Variants in RBM19 observed in about 807,000 individuals in gnomAD.
The protein encoded by RBM19 is probable RNA-binding protein 19.
A neutral mutation model predicts 116.8 loss-of-function variants in RBM19; 94 were observed. The observed-to-expected ratio is 0.80, with a 90% CI of 0.68 to 0.95. The LOEUF (loss-of-function observed/expected upper bound fraction) is 0.95. Among genes scored for constraint, RBM19 ranks in the 40% least tolerant of loss-of-function variants. RBM19 has a pLI of 0.00. For synonymous variants in RBM19, 475 were observed against 494.1 expected, an observed-to-expected ratio of 0.96 and a Z score of 0.51; for missense variants, 1,161 against 1,220.7, an observed-to-expected ratio of 0.95 and a Z score of 0.73.
intron 15 of RBM19, among the ~76,000 whole-genome samples, chr12:113,938,566 G>A (rs1870281264): frequency 6.6e-6 from 1 of 152,192 alleles, no homozygotes; most frequent in Non-Finnish European, 1.5e-5. Flanking sequence ...GGCACCGCAA[G>A]GGTATGTCTA....
At chr12:113,835,601 C>T (rs938125052) in intron 23 of RBM19, among the ~76,000 whole-genome samples, 10 of 152,304 alleles carry the variant, frequency 6.6e-5, no homozygotes, top group Admixed American at 2.6e-4. Flanking sequence ...CTGCTCCTCG[C>T]GAGGCTGGGA....
intron 19 of RBM19, 73 bp from the exon 20 acceptor site, chr12:113,918,520 A>G: frequency 3.3e-6 from 5 of 1,507,502 alleles, no homozygotes; most frequent in Non-Finnish European, 4.6e-6. Flanking sequence ...CCTTCACCAG[A>G]GCAGAGCCCT....
intron 23 of RBM19, among the ~76,000 whole-genome samples, chr12:113,826,098 G>A (rs1481717390): frequency 5.3e-5 from 8 of 152,150 alleles, no homozygotes; most frequent in African/African-American, 1.9e-4. Flanking sequence ...CCTTTGGTCT[G>A]GAATGCTCTT....
At chr12:113,844,041 A>T (rs1037480512) in intron 23 of RBM19, among the ~76,000 whole-genome samples, 6 of 152,164 alleles carry the variant, frequency 3.9e-5, no homozygotes, top group African/African-American at 1.2e-4. Flanking sequence ...ACCTGAGCCT[A>T]GGGCCCTGCT....
intron 16 of RBM19, 68 bp downstream of exon 16, chr12:113,936,939 T>C: frequency 6.4e-7 from 1 of 1,560,128 alleles, no homozygotes; most frequent in Non-Finnish European, 8.7e-7. Context: ...AACTTCACGC[T>C]GCCCCCAACC....
At chr12:113,831,508 C>A (rs1467340247) in intron 23 of RBM19, among the ~76,000 whole-genome samples, 2 of 152,164 alleles carry the variant, frequency 1.3e-5, no homozygotes, top group African/African-American at 4.8e-5. Flanking sequence ...CCCGGCCCAG[C>A]CCCTGCCCCT....
At position 113,898,588 on chromosome 12, in the gene RBM19, C is replaced by T. The variant is rs932859534; in HGVS notation, c.2558+16381G>A. 1.9e-4 allele frequency among the ~76,000 whole-genome samples: 29 copies of T among 152,130 alleles called. 1 individual carries two copies. Among genetic ancestry groups the T allele is most frequent in the African/African-American group, 4.8e-5 (2 of 41,426 alleles). On this transcript the variant is annotated intron_variant, in intron 21 of 23. Coordinates refer to ENST00000261741, the MANE Select transcript of RBM19 (RefSeq NM_016196.4). This position sits in a 1 kb window ranked among gnomAD's most constrained non-coding sequence, Gnocchi z 4.3. ...TGATCAGGATAGAACCAATAAGCAC[C>T]GCTGCATGAAAACGGGTGTTTGATG...
At chr12:113,921,988 G>A (rs1430210596) in intron 18 of RBM19, among the ~76,000 whole-genome samples, 1 of 152,142 alleles carries the variant, frequency 6.6e-6, no homozygotes, top group Admixed American at 6.5e-5. Context: ...TTGCGGGGTG[G>A]GGGGATGGAG....
chr12:113,858,938 C>A, intron 21 of RBM19, 42 bp from the exon 22 acceptor site: 1 of 1,586,776 alleles, frequency 6.3e-7, no homozygotes, highest in Non-Finnish European at 8.7e-7. Context: ...AGAATAGAGG[C>A]CCGCAAGGGA....
At chr12:113,911,648 G>A (rs980398103) in intron 21 of RBM19, among the ~76,000 whole-genome samples, 1 of 152,140 alleles carries the variant, frequency 6.6e-6, no homozygotes, top group Non-Finnish European at 1.5e-5. Flanking sequence ...GATGAGCAGC[G>A]TGGTGGCCTG....
In RBM19 at chr12:113,948,949, C is replaced by G; in HGVS notation, c.1160G>C (p.Arg387Pro). 6.2e-7 allele frequency: 1 copy of G among 1,614,214 alleles called. No individual in the cohort carries two copies. The highest frequency in any genetic ancestry group is 8.5e-7 in the Non-Finnish European group (1 of 1,180,038). Reference protein sequence around the residue: ...PKNTTKSWQGRILGENEEEED... With the variant: ...PKNTTKSWQGPILGENEEEED... ...CTCCTCTTCGTTCTCCCCGAGTATC[C>G]GGCCTTGCCAGGATTTGGTGGTATT... The change falls in exon 10 of 24, where the codon CGG becomes CCG. Residue 387 changes from arginine to proline, a missense_variant. By Grantham distance (103) the Arg-to-Pro change is moderately radical. Coordinates refer to ENST00000261741, the MANE Select transcript of RBM19 (RefSeq NM_016196.4).
intron 22 of RBM19, among the ~76,000 whole-genome samples, chr12:113,852,893 G>A (rs1029288927): frequency 6.6e-6 from 1 of 152,224 alleles, no homozygotes; most frequent in Admixed American, 6.5e-5. Context: ...TTGAACGCAC[G>A]CCACTGACAA....
intron 21 of RBM19, among the ~76,000 whole-genome samples, chr12:113,880,854 C>T (rs1346347047): frequency 1.3e-5 from 2 of 152,186 alleles, no homozygotes; most frequent in East Asian, 1.9e-4. Context: ...CCCCATGACC[C>T]TCTCATGTGC....
Position 113,960,211 on chromosome 12 carries a change from C to T in RBM19, c.220-33G>A, listed in dbSNP as rs377716939. The T allele has an allele frequency of 2.4e-5, 38 of 1,612,062 alleles. No homozygotes were observed. In the East Asian group the frequency reaches 3.6e-4, roughly 15 times the overall value. ...GGAAAGAGAGTGATTTTCACACCTGCCATGGCACCCAGGCGTTGGGTGCTG... is the reference window on the plus strand; with the variant it reads ...GGAAAGAGAGTGATTTTCACACCTGTCATGGCACCCAGGCGTTGGGTGCTG... On this transcript the variant is annotated intron_variant, in intron 2 of 23. Coordinates refer to ENST00000261741, the MANE Select transcript of RBM19 (RefSeq NM_016196.4).
intron 16 of RBM19, among the ~76,000 whole-genome samples, chr12:113,931,999 T>C (rs896870273): frequency 6.6e-6 from 1 of 152,218 alleles, no homozygotes; most frequent in East Asian, 1.9e-4. Context: ...TCTCCAGCAC[T>C]GGGCTCAGAA....
At chr12:113,855,316 T>C (rs1018983445) in intron 22 of RBM19, among the ~76,000 whole-genome samples, 2 of 152,198 alleles carry the variant, frequency 1.3e-5, no homozygotes, top group Non-Finnish European at 2.9e-5. Context: ...GCCGCGGCAC[T>C]GGCCCCTCCC....
intron 14 of RBM19, 127 bp from the exon 15 acceptor site, chr12:113,940,287 G>A (rs930913): frequency 0.12 from 117,321 of 977,398 alleles, 8,842 homozygotes; most frequent in African/African-American, 0.32. Context: ...CAGGCACTTA[G>A]GAGGAAGACC....
At chr12:113,953,705 A>C (rs11066850) in intron 7 of RBM19, among the ~76,000 whole-genome samples, 24,993 of 152,242 alleles carry the variant, frequency 0.16, 2,800 homozygotes, top group African/African-American at 0.32. Context: ...AACTGATATT[A>C]TGTGCCAAAG....
At chr12:113,911,538 C>T (rs1214427480) in intron 21 of RBM19, among the ~76,000 whole-genome samples, 5 of 152,194 alleles carry the variant, frequency 3.3e-5, no homozygotes, top group Non-Finnish European at 7.3e-5. Context: ...TGCTGTTGAA[C>T]ACCACAGTCA....
Sources: allele counts gnomAD v4.1 joint callset (sites outside exome capture counted in the v4.1 genomes callset), GRCh38; gene constraint gnomAD v4.1.1; non-coding constraint Gnocchi (gnomAD v3.1); transcripts MANE v1.5; gene names NCBI Gene and HGNC (gene_info 2026-07-23, HGNC 2026-07-21).